ZNF727: variants seen among roughly 807,000 people sequenced by gnomAD.
The protein encoded by ZNF727 is zinc finger protein 727, also known as putative zinc finger protein 727.
Under a neutral mutation model 11.5 loss-of-function variants are expected in ZNF727, and 11 were observed. The observed-to-expected ratio is 0.95, with a 90% CI of 0.60 to 1.58. The LOEUF (loss-of-function observed/expected upper bound fraction) is 1.58. ZNF727 is among the 40% of genes most tolerant of loss of function. The pLI is 0.00. For synonymous variants in ZNF727, 171 were observed against 196.1 expected (o/e 0.87, Z 1.07); for missense variants, 533 against 581.7 (o/e 0.92, Z 0.86).
chr7:64,050,156 T>C (rs1331980327), intron 1 of ZNF727, among the ~76,000 whole-genome samples: 1 of 152,160 alleles, frequency 6.6e-6, no homozygotes, highest in African/African-American at 2.4e-5. Context: ...AAAGATTTAC[T>C]CAATTCACAT....
Position 64,077,607 on chromosome 7 carries a change from T to G in ZNF727, c.558T>G (p.Asp186Glu), listed in dbSNP as rs1187173852. ...GTGGCAAAGACTGTAGGTTGTCAGA[T>G]TTTACCATACAGAAGAGAATTCATA... ...EECGKDCRLS[D>E]FTIQKRIHTA... is the part of the protein sequence containing the mutation. The change falls in exon 4 of 4, where the codon GAT (aspartate) becomes GAG (glutamate). Residue 186 changes from aspartate to glutamate, a missense_variant. By Grantham distance (45) the Asp-to-Glu change is conservative (BLOSUM62 2). Around this residue, in one of 3 missense-constraint regions of ZNF727, gnomAD observed 463 missense variants for 494.5 expected, o/e 0.94. Coordinates refer to ENST00000456806, the MANE Select transcript of ZNF727 (RefSeq NM_001159522.3). The G allele has an allele frequency of 1.9e-6, 3 of 1,551,412 alleles. No individual in the cohort carries two copies. The highest frequency in any genetic ancestry group is 2.4e-5 in the South Asian group (2 of 84,050).
intron 1 of ZNF727, among the ~76,000 whole-genome samples, chr7:64,063,450 A>G (rs540649714): frequency 8.6e-4 from 131 of 152,010 alleles, no homozygotes; most frequent in African/African-American, 2.7e-3. Context: ...CTCTTTTTCT[A>G]TTTTTTTACA....
intron 1 of ZNF727, among the ~76,000 whole-genome samples, chr7:64,061,182 G>A (rs1051739123): frequency 5.3e-5 from 8 of 152,014 alleles, no homozygotes; most frequent in Admixed American, 3.9e-4. Flanking sequence ...ATATCTATTA[G>A]GTCTATTTGG....
intron 1 of ZNF727, among the ~76,000 whole-genome samples, chr7:64,067,523 G>A (rs1342235360): frequency 1.3e-5 from 2 of 152,138 alleles, no homozygotes; most frequent in Non-Finnish European, 2.9e-5. Flanking sequence ...TAAAGAAAAT[G>A]TGGCACATAA....
At chr7:64,068,766 G>A in intron 1 of ZNF727, 125 bp from the exon 2 acceptor site, 1 of 1,127,536 alleles carries the variant, frequency 8.9e-7, no homozygotes, top group Non-Finnish European at 1.3e-6. Context: ...GTGCTAGAAA[G>A]TATCCTATTG....
chr7:64,081,162 A>AG lies in ZNF727; in HGVS notation c.*2617dup, dbSNP rs1562800239. Among the ~76,000 whole-genome samples, 1 of 151,854 alleles carries AG rather than the reference A, an allele frequency of 6.6e-6. No individual in the cohort carries two copies. The highest frequency in any genetic ancestry group is 1.5e-5 in the Non-Finnish European group (1 of 67,968). The stretch of plus-strand genomic sequence containing the variant: ...CAGTGGCAGGAGCAAAGCAGCTGGG[A>AG]GGGGAGTGGGGGTTACCTGCTGGAG... On this transcript the variant is annotated 3_prime_UTR_variant, in exon 4 of 4. Transcript: ENST00000456806.
intron 1 of ZNF727, among the ~76,000 whole-genome samples, chr7:64,067,968 TGA>T (rs1485001371): frequency 6.6e-6 from 1 of 151,932 alleles, no homozygotes; most frequent in Non-Finnish European, 1.5e-5. Flanking sequence ...TTACAGAACA[TGA>T]GAGATATTTG....
intron 1 of ZNF727, among the ~76,000 whole-genome samples, chr7:64,052,358 C>T (rs12538693): frequency 0.53 from 79,552 of 149,872 alleles, 22,418 homozygotes; most frequent in Non-Finnish European, 0.64. Flanking sequence ...AACAGGAGTT[C>T]CCCTGGACAA....
chr7:64,066,997 A>G (rs1789879831), intron 1 of ZNF727, among the ~76,000 whole-genome samples: 1 of 152,162 alleles, frequency 6.6e-6, no homozygotes. Flanking sequence ...TTTGCAATCT[A>G]TCCATCTGAC....
intron 3 of ZNF727, among the ~76,000 whole-genome samples, chr7:64,072,501 G>T (rs1243045364): frequency 6.6e-6 from 1 of 152,150 alleles, no homozygotes; most frequent in Non-Finnish European, 1.5e-5. Context: ...TGGGCACCTA[G>T]ATTGGCAGAA....
rs537992098 is a variant in ZNF727 at position 64,078,698 on chromosome 7, C to G, written c.*149C>G. On this transcript the variant is annotated 3_prime_UTR_variant, in exon 4 of 4. Coordinates refer to ENST00000456806, the MANE Select transcript of ZNF727 (RefSeq NM_001159522.3). The stretch of plus-strand genomic sequence containing the variant: ...GCAAAGCCTTTATCCGCTCCTCAAC[C>G]CTTACAAGCCACAAGAGAATTCATA... The G allele has an allele frequency of 3.3e-4, 404 of 1,231,362 alleles. 6 individuals carry two copies. In the South Asian group the frequency reaches 4.8e-3, roughly 15 times the overall value. 76.3% of individuals were successfully genotyped at this position (1,231,362 alleles called of 1,614,324 possible). A position where few individuals can be genotyped will look rare whatever the true frequency, so the allele number is the denominator to read the frequency against.
At chr7:64,068,617 T>C (rs771591905) in intron 1 of ZNF727, among the ~76,000 whole-genome samples, 10 of 152,176 alleles carry the variant, frequency 6.6e-5, no homozygotes, top group African/African-American at 1.9e-4. Flanking sequence ...TATGTAAATA[T>C]AGCATTAAGT....
chr7:64,077,781 T>G lies in ZNF727; in HGVS notation c.732T>G (p.Thr244=). ...CATTTACCTGTTCCTCAGCCCTTAC[T>G]AAACACAAGAGAAATCATACTGGAG... ...GKTFTCSSAL[T]KHKRNHTGDR... Residue 244 remains threonine (T), a synonymous_variant, in exon 4 of 4, where the codon ACT becomes ACG. Transcript: ENST00000456806. The G allele has an allele frequency of 6.4e-7, 1 of 1,574,484 alleles. No individual in the cohort carries two copies.
chr7:64,078,488 C>A lies in ZNF727; in HGVS notation c.1439C>A (p.Thr480Lys). ...HKRSHTGDRP[T>K]SAKNVAKPLG... The stretch of plus-strand genomic sequence containing the variant: ...AGAAGTCATACTGGAGACAGACCTA[C>A]AAGTGCAAAGAATGTGGCAAAGCCT... The change falls in exon 4 of 4, where the codon ACA (threonine) becomes AAA (lysine). Residue 480 changes from threonine to lysine, a missense_variant. Thr to Lys is a moderately conservative substitution (Grantham distance 78). Coordinates refer to ENST00000456806, the MANE Select transcript of ZNF727 (RefSeq NM_001159522.3). 6.4e-7 allele frequency: 1 copy of A among 1,565,046 alleles called. No individual in the cohort carries two copies. Among genetic ancestry groups the A allele is most frequent in the Non-Finnish European group, 8.7e-7 (1 of 1,154,546 alleles).
At chr7:64,074,386 C>G (rs1410453528) in intron 3 of ZNF727, among the ~76,000 whole-genome samples, 1 of 152,112 alleles carries the variant, frequency 6.6e-6, no homozygotes, top group Non-Finnish European at 1.5e-5. Flanking sequence ...GAGACAAACT[C>G]ATATTTTTGC....
chr7:64,078,601 C>T lies in ZNF727; in HGVS notation c.*52C>T, dbSNP rs1207658710. ...TGTAATGAATGTGGAAAAGCTTTTACGTGGATCTTGGCCCTTAGTAAACAC... is the reference window on the plus strand; with the variant it reads ...TGTAATGAATGTGGAAAAGCTTTTATGTGGATCTTGGCCCTTAGTAAACAC... On this transcript the variant is annotated 3_prime_UTR_variant, in exon 4 of 4. Coordinates refer to ENST00000456806, the MANE Select transcript of ZNF727 (RefSeq NM_001159522.3). 1.7e-5 allele frequency: 26 copies of T among 1,518,658 alleles called. No individual in the cohort carries two copies. The highest frequency in any genetic ancestry group is 1.7e-4 in the Middle Eastern group (1 of 5,770). 94.1% of individuals were successfully genotyped at this position (1,518,658 alleles called of 1,614,324 possible). A position where few individuals can be genotyped will look rare whatever the true frequency, so the allele number is the denominator to read the frequency against.
intron 1 of ZNF727, among the ~76,000 whole-genome samples, chr7:64,061,040 T>C (rs1474000988): frequency 1.3e-5 from 2 of 152,202 alleles, no homozygotes; most frequent in Admixed American, 6.5e-5. Context: ...AAATACCTGA[T>C]ATAATTTTAT....
At position 64,078,543 on chromosome 7, in the gene ZNF727, A is replaced by G. The variant is rs1320066521; in HGVS notation, c.1494A>G (p.Ile498Met). Residue 498 changes from isoleucine (I) to methionine (M), a missense_variant, in exon 4 of 4, where the codon ATA (isoleucine) becomes ATG (methionine). Around this residue, in one of 3 missense-constraint regions of ZNF727, gnomAD observed 54 missense variants for 48.6 expected, o/e 1.11. Transcript: ENST00000456806. Reference sequence around the variant, plus strand: ...GTGGTTCTCAGACCTTACTAAACATAAGGTAATTCATACTGGAGATAAACC... The same window carrying G: ...GTGGTTCTCAGACCTTACTAAACATGAGGTAATTCATACTGGAGATAAACC... Reference protein sequence around the residue: ...PLGGSQTLLNIR With the variant: ...PLGGSQTLLNMR 6.4e-7 allele frequency: 1 copy of G among 1,557,664 alleles called. No individual in the cohort carries two copies. Among genetic ancestry groups the G allele is most frequent in the Non-Finnish European group, 8.7e-7 (1 of 1,151,006 alleles).
At chr7:64,056,584 A>G (rs1789689702) in intron 1 of ZNF727, among the ~76,000 whole-genome samples, 2 of 152,076 alleles carry the variant, frequency 1.3e-5, no homozygotes, top group Non-Finnish European at 2.9e-5. Context: ...AGAGGCAGTA[A>G]TATCCTGACT....
Sources: allele counts gnomAD v4.1 joint callset (sites outside exome capture counted in the v4.1 genomes callset), GRCh38; gene constraint gnomAD v4.1.1; regional missense constraint gnomAD v4.1.1; transcripts MANE v1.5; gene names NCBI Gene and HGNC (gene_info 2026-07-23, HGNC 2026-07-21).